CACNG2: variants seen among roughly 807,000 people sequenced by gnomAD.
The protein encoded by CACNG2 is voltage-dependent calcium channel gamma-2 subunit.
CACNG2 carries 3 observed loss-of-function variants against 25.9 expected under a neutral mutation model. That is an observed-to-expected ratio of 0.12 (90% CI 0.05 to 0.30). CACNG2 has a LOEUF of 0.30. CACNG2 is among the 10% of genes least tolerant of loss of function. CACNG2 has a pLI of 1.00. For missense variants in CACNG2, 341 were observed against 432.5 expected (o/e 0.79, Z 1.88); for synonymous variants, 167 against 173.3 (o/e 0.96, Z 0.29).
chr22:36,601,854 A>G (rs901869491), intron 1 of CACNG2, among the ~76,000 whole-genome samples: 6 of 152,202 alleles, frequency 3.9e-5, no homozygotes, highest in Admixed American at 1.3e-4. Context: ...TTGCTGGGTC[A>G]TATGGGAGTT....
intron 1 of CACNG2, among the ~76,000 whole-genome samples, chr22:36,631,397 C>T (rs1238311402): frequency 6.6e-6 from 1 of 152,164 alleles, no homozygotes; most frequent in Admixed American, 6.5e-5. Flanking sequence ...AAACAACTGC[C>T]TCTCAGCCCC....
intron 1 of CACNG2, among the ~76,000 whole-genome samples, chr22:36,638,590 G>C (rs1208762967): frequency 6.6e-6 from 1 of 152,166 alleles, no homozygotes; most frequent in East Asian, 1.9e-4. Context: ...CTCACTTGGA[G>C]AGAGTTCTTG....
intron 2 of CACNG2, among the ~76,000 whole-genome samples, chr22:36,573,860 G>A (rs1459041267): frequency 2.0e-5 from 3 of 152,192 alleles, no homozygotes; most frequent in African/African-American, 7.2e-5. Flanking sequence ...TGGTAGAGCT[G>A]ACCTCTGGCG....
At chr22:36,674,333 C>T (rs541731922) in intron 1 of CACNG2, among the ~76,000 whole-genome samples, 8 of 152,200 alleles carry the variant, frequency 5.3e-5, no homozygotes, top group African/African-American at 1.9e-4. Context: ...CTGTTTTTTG[C>T]TTGCTTTTTT....
At chr22:36,679,023 T>C (rs1323339712) in intron 1 of CACNG2, among the ~76,000 whole-genome samples, 3 of 152,198 alleles carry the variant, frequency 2.0e-5, no homozygotes, top group Non-Finnish European at 2.9e-5. Context: ...GCCCCTGGCA[T>C]GGCCAGAGGA....
chr22:36,666,559 G>A (rs1936877538), intron 1 of CACNG2, among the ~76,000 whole-genome samples: 1 of 152,094 alleles, frequency 6.6e-6, no homozygotes, highest in African/African-American at 2.4e-5. Flanking sequence ...TTGGGACAAA[G>A]TTGTAGTTTT....
intron 1 of CACNG2, among the ~76,000 whole-genome samples, chr22:36,669,408 T>A (rs1203983800): frequency 6.8e-6 from 1 of 146,666 alleles, no homozygotes; most frequent in Admixed American, 7.2e-5. Flanking sequence ...CTTGGGAGGC[T>A]GAGGCAGGAG....
chr22:36,649,926 G>A lies in CACNG2; in HGVS notation c.211+52440C>T, dbSNP rs999000844. Among the ~76,000 whole-genome samples, 4 of 152,212 alleles carry A rather than the reference G, an allele frequency of 2.6e-5. No individual in the cohort carries two copies. In the East Asian group the frequency reaches 5.8e-4, roughly 22 times the overall value. On this transcript the variant is annotated intron_variant, in intron 1 of 3. Transcript: ENST00000300105. ...ACCTCTTTCCTTGATAAATTACTCA[G>A]TCTTGGCTATGTCTTTATCAGCAGT...
At chr22:36,658,395 C>A (rs144558278) in intron 1 of CACNG2, among the ~76,000 whole-genome samples, 1 of 152,310 alleles carries the variant, frequency 6.6e-6, no homozygotes, top group East Asian at 1.9e-4. Flanking sequence ...GGCCATGGGG[C>A]CTGGGAGAGG....
At chr22:36,649,799 G>A (rs939908019) in intron 1 of CACNG2, among the ~76,000 whole-genome samples, 1 of 152,176 alleles carries the variant, frequency 6.6e-6, no homozygotes, top group Non-Finnish European at 1.5e-5. Context: ...CCCTGCACAC[G>A]CTGTCTTGCC....
At chr22:36,623,010 G>C (rs1936129543) in intron 1 of CACNG2, among the ~76,000 whole-genome samples, 1 of 54,312 alleles carries the variant, frequency 1.8e-5, no homozygotes, top group Non-Finnish European at 4.3e-5. Context: ...TTCAAAACAT[G>C]GGTTTTTTTT....
chr22:36,593,081 G>A (rs945169246), intron 1 of CACNG2, among the ~76,000 whole-genome samples: 39 of 152,310 alleles, frequency 2.6e-4, no homozygotes, highest in African/African-American at 8.2e-4. Flanking sequence ...AGCGAGGAGA[G>A]GAGATGGAGC....
chr22:36,621,979 A>G (rs1936112741), intron 1 of CACNG2, among the ~76,000 whole-genome samples: 1 of 152,256 alleles, frequency 6.6e-6, no homozygotes. Context: ...GGTGACATTT[A>G]CTGAGTGCTC....
rs1042326877 is a variant in CACNG2 at position 36,562,828 on chromosome 22, A to G, written c.*1523T>C. 1 of 152,074 alleles carries G rather than the reference A, an allele frequency of 6.6e-6. No homozygotes were observed. Among genetic ancestry groups the G allele is most frequent in the African/African-American group, 2.4e-5 (1 of 41,376 alleles). The allele number at this position is 152,074 out of a possible 1,614,324, so 9.4% of individuals were successfully genotyped here. The stretch of plus-strand genomic sequence containing the variant: ...TGTCTGAGGAAGCCACCTTTCCATC[A>G]CAGAGACCCCCTGCAGCTCACTGGG... On this transcript the variant is annotated 3_prime_UTR_variant, in exon 4 of 4. Transcript: ENST00000300105.
At chr22:36,652,108 T>C (rs1315228109) in intron 1 of CACNG2, among the ~76,000 whole-genome samples, 1 of 152,182 alleles carries the variant, frequency 6.6e-6, no homozygotes, top group African/African-American at 2.4e-5. Flanking sequence ...TCAAGTGATC[T>C]GCCTGCCTCG....
At chr22:36,619,454 T>C (rs895512813) in intron 1 of CACNG2, among the ~76,000 whole-genome samples, 1 of 152,242 alleles carries the variant, frequency 6.6e-6, no homozygotes, top group Non-Finnish European at 1.5e-5. Context: ...TTGAATGCGA[T>C]GGGTGATGTT....
intron 2 of CACNG2, among the ~76,000 whole-genome samples, chr22:36,580,520 G>A (rs939084526): frequency 6.6e-6 from 1 of 152,118 alleles, no homozygotes; most frequent in African/African-American, 2.4e-5. Flanking sequence ...TATGGAGTGT[G>A]GCCTGGTGAT....
At chr22:36,608,947 G>C (rs555476594) in intron 1 of CACNG2, among the ~76,000 whole-genome samples, 3 of 152,112 alleles carry the variant, frequency 2.0e-5, no homozygotes, top group Non-Finnish European at 4.4e-5. Context: ...ATCAAATCTA[G>C]AAAAAGAATG....
At chr22:36,655,068 C>T (rs986993392) in intron 1 of CACNG2, among the ~76,000 whole-genome samples, 15 of 151,658 alleles carry the variant, frequency 9.9e-5, no homozygotes, top group African/African-American at 2.4e-4. Context: ...GGAATTTTGG[C>T]GTTTGCTGGA....
Sources: gnomAD v4.1 joint callset for allele counts (sites outside exome capture counted in the v4.1 genomes callset) on GRCh38, gnomAD v4.1.1 for gene constraint, MANE v1.5 for transcripts, NCBI Gene and HGNC (gene_info 2026-07-23, HGNC 2026-07-21) for gene names.